BCKDHB: variants seen among roughly 807,000 people sequenced by gnomAD.
The protein encoded by BCKDHB is 2-oxoisovalerate dehydrogenase subunit beta, mitochondrial.
In BCKDHB, 41 loss-of-function variants were observed where a neutral mutation model predicts 48.5. That is an observed-to-expected ratio of 0.85 (90% CI 0.66 to 1.10). BCKDHB has a LOEUF of 1.10. Among genes scored for constraint, BCKDHB ranks in the 50% least tolerant of loss-of-function variants. BCKDHB has a pLI of 0.00. For missense variants in BCKDHB, 496 were observed against 494.2 expected (o/e 1.00, Z -0.03); for synonymous variants, 201 against 174.8 (o/e 1.15, Z -1.18).
At chr6:80,370,761 GGTGTGTATATATAGCGT>G in the BCKDHB span, among the ~76,000 whole-genome samples, 1 of 150,038 alleles carries the variant, frequency 6.7e-6, no homozygotes, top group Non-Finnish European at 1.5e-5. Flanking sequence ...TGTTCCATGG[GGTGTGTATATATAGCGT>G]GTGTGTGTAT....
chr6:80,441,946 A>G, the BCKDHB span, among the ~76,000 whole-genome samples: 1 of 152,210 alleles, frequency 6.6e-6, no homozygotes, highest in Non-Finnish European at 1.5e-5. Context: ...AATATGATTA[A>G]TGATACAAAG....
chr6:80,141,148 A>G (rs1287779918), intron 3 of BCKDHB, among the ~76,000 whole-genome samples: 1 of 151,854 alleles, frequency 6.6e-6, no homozygotes, highest in Non-Finnish European at 1.5e-5. Flanking sequence ...ATCGGTGGTG[A>G]TATCCCCTTT....
At chr6:80,197,068 A>C (rs1393297111) in intron 6 of BCKDHB, among the ~76,000 whole-genome samples, 2 of 152,286 alleles carry the variant, frequency 1.3e-5, no homozygotes, top group Non-Finnish European at 2.9e-5. Flanking sequence ...CACTTCTGTG[A>C]AAATAGGAAT....
chr6:80,224,373 T>G (rs1445791002), intron 8 of BCKDHB, among the ~76,000 whole-genome samples: 1 of 152,116 alleles, frequency 6.6e-6, no homozygotes, highest in Admixed American at 6.5e-5. Flanking sequence ...CATTTCATTA[T>G]CTATAAAAGA....
intron 3 of BCKDHB, among the ~76,000 whole-genome samples, chr6:80,132,461 G>C (rs188425255): frequency 6.6e-5 from 10 of 152,242 alleles, no homozygotes; most frequent in Non-Finnish European, 1.5e-4. Context: ...GTGTCCTACT[G>C]TCTCAGGAAG....
chr6:80,148,919 C>T (rs1346890040), intron 3 of BCKDHB, among the ~76,000 whole-genome samples: 2 of 152,192 alleles, frequency 1.3e-5, no homozygotes, highest in East Asian at 3.9e-4. Flanking sequence ...ACAAGGACTT[C>T]ATGTCTAAAA....
chr6:80,421,405 G>A, the BCKDHB span, among the ~76,000 whole-genome samples: 1 of 152,200 alleles, frequency 6.6e-6, no homozygotes, highest in African/African-American at 2.4e-5. Context: ...CAGAGAATTA[G>A]CACTGGGAGT....
At chr6:80,107,443 GTGTA>G (rs912633412) in intron 1 of BCKDHB, among the ~76,000 whole-genome samples, 2 of 138,692 alleles carry the variant, frequency 1.4e-5, no homozygotes, top group African/African-American at 5.7e-5. Flanking sequence ...GTGTGTGTGT[GTGTA>G]TATATCCACA....
the BCKDHB span, among the ~76,000 whole-genome samples, chr6:80,425,259 A>T: frequency 2.0e-5 from 3 of 152,208 alleles, no homozygotes; most frequent in African/African-American, 4.8e-5. Flanking sequence ...GACAACTAAC[A>T]TTCCTTAGGC....
At chr6:80,182,853 A>C (rs1377907018) in intron 6 of BCKDHB, among the ~76,000 whole-genome samples, 1 of 152,210 alleles carries the variant, frequency 6.6e-6, no homozygotes, top group African/African-American at 2.4e-5. Flanking sequence ...CAAATATTGT[A>C]TAACTTGCTT....
chr6:80,170,278 A>C (rs1772841679), intron 5 of BCKDHB, among the ~76,000 whole-genome samples: 1 of 152,222 alleles, frequency 6.6e-6, no homozygotes, highest in African/African-American at 2.4e-5. Flanking sequence ...AATGGCATAA[A>C]AATGGCTTTG....
chr6:80,372,345 G>A, the BCKDHB span, among the ~76,000 whole-genome samples: 1 of 152,070 alleles, frequency 6.6e-6, no homozygotes, highest in African/African-American at 2.4e-5. Context: ...TTATTTGCCA[G>A]TTCTAGGAGC....
chr6:80,423,327 A>T, the BCKDHB span, among the ~76,000 whole-genome samples: 2 of 152,196 alleles, frequency 1.3e-5, no homozygotes, highest in Non-Finnish European at 2.9e-5. Flanking sequence ...TAAATTACCC[A>T]GTCTCAGGTA....
chr6:80,409,742 C>A, the BCKDHB span, among the ~76,000 whole-genome samples: 1 of 150,658 alleles, frequency 6.6e-6, no homozygotes, highest in African/African-American at 2.4e-5. Context: ...ACTAGGATTG[C>A]AACCCCTGCT....
the BCKDHB span, among the ~76,000 whole-genome samples, chr6:80,360,196 G>C: frequency 6.6e-6 from 1 of 152,114 alleles, no homozygotes; most frequent in Admixed American, 6.5e-5. Flanking sequence ...CTAAACTAAT[G>C]GTTACCTGTC....
At chr6:80,384,053 G>GA in the BCKDHB span, among the ~76,000 whole-genome samples, 2 of 116,820 alleles carry the variant, frequency 1.7e-5, no homozygotes, top group Non-Finnish European at 3.8e-5. Flanking sequence ...GTTAACATAG[G>GA]AGTGATGGTT....
At chr6:80,381,861 T>C in the BCKDHB span, among the ~76,000 whole-genome samples, 2 of 152,146 alleles carry the variant, frequency 1.3e-5, no homozygotes, top group Admixed American at 1.3e-4. Flanking sequence ...ATGTTCTGAA[T>C]ATTCAGTGTA....
the BCKDHB span, chr6:80,463,232 T>C: frequency 6.6e-6 from 1 of 152,226 alleles, no homozygotes; most frequent in South Asian, 2.1e-4. Flanking sequence ...AAGAGACTTG[T>C]TTTGCTGGAT....
intron 9 of BCKDHB, among the ~76,000 whole-genome samples, chr6:80,290,106 A>G (rs899519615): frequency 6.6e-6 from 1 of 152,226 alleles, no homozygotes; most frequent in African/African-American, 2.4e-5. Context: ...GGATCCTCCC[A>G]GTACAGCTGG....
Sources: gnomAD v4.1 joint callset for allele counts (sites outside exome capture counted in the v4.1 genomes callset) on GRCh38, gnomAD v4.1.1 for gene constraint, MANE v1.5 for transcripts, NCBI Gene and HGNC (gene_info 2026-07-23, HGNC 2026-07-21) for gene names.